The following RELN variants were observed in gnomAD, a reference collection of about 807,000 sequenced individuals.
RELN encodes the protein reelin.
A neutral mutation model predicts 427.6 loss-of-function variants in RELN; 108 were observed. The ratio of observed to expected loss-of-function variants is 0.25; its 90% CI spans 0.22 to 0.30. The LOEUF (loss-of-function observed/expected upper bound fraction) is 0.30, where lower values mean the gene tolerates loss of function less well. RELN is among the 10% of genes least tolerant of loss of function. RELN has a pLI of 1.00. For missense variants in RELN, 3,715 were observed against 4,302.8 expected (o/e 0.86, Z 3.82); for synonymous variants, 1,524 against 1,513.4 (o/e 1.01, Z -0.16).
chr7:103,589,837 A>T lies in RELN; in HGVS notation c.3913-9T>A, dbSNP rs372473867. ...GCACAACCTATGTTTAGCTGTTAAA[A>T]GGAAGGACAAGAATTATACAAGATT... On this transcript the variant is annotated splice_polypyrimidine_tract_variant and intron_variant, in intron 27 of 64. Coordinates refer to ENST00000428762, the MANE Select transcript of RELN (RefSeq NM_005045.4). 2.6e-6 allele frequency: 4 copies of T among 1,545,304 alleles called. No homozygotes were observed. The highest frequency in any genetic ancestry group is 3.6e-6 in the Non-Finnish European group (4 of 1,117,400).
At chr7:103,964,738 A>G (rs1796628264) in intron 1 of RELN, among the ~76,000 whole-genome samples, 1 of 152,246 alleles carries the variant, frequency 6.6e-6, no homozygotes, top group Non-Finnish European at 1.5e-5. Flanking sequence ...ATCACTTTAC[A>G]GTCCCCAAGA....
intron 6 of RELN, among the ~76,000 whole-genome samples, chr7:103,748,154 T>G (rs1790894757): frequency 6.8e-6 from 1 of 147,336 alleles, no homozygotes; most frequent in Non-Finnish European, 1.5e-5. Context: ...TTTTTTTTTT[T>G]GGCTTCTTAT....
chr7:103,808,149 G>A (rs528838872), intron 3 of RELN, among the ~76,000 whole-genome samples: 1 of 151,766 alleles, frequency 6.6e-6, no homozygotes, highest in East Asian at 1.9e-4. Flanking sequence ...AAATATGAGA[G>A]TCTCCAGGTA....
At chr7:103,777,542 T>C (rs183171265) in intron 3 of RELN, among the ~76,000 whole-genome samples, 87 of 152,320 alleles carry the variant, frequency 5.7e-4, no homozygotes, top group Non-Finnish European at 9.1e-4. Context: ...ATGGATTATG[T>C]ACAAGGCACT....
intron 1 of RELN, among the ~76,000 whole-genome samples, chr7:103,941,941 T>C (rs1444925257): frequency 6.6e-6 from 1 of 151,236 alleles, no homozygotes; most frequent in Non-Finnish European, 1.5e-5. Flanking sequence ...AAATACTATA[T>C]TATCATTATA....
At chr7:103,482,736 A>G in intron 63 of RELN, 137 bp downstream of exon 63, 1 of 1,537,308 alleles carries the variant, frequency 6.5e-7, no homozygotes, top group Non-Finnish European at 8.7e-7. Context: ...TTGCAGTTGC[A>G]AAAGAGTGTA....
intron 3 of RELN, among the ~76,000 whole-genome samples, chr7:103,803,478 G>C (rs1381890087): frequency 6.6e-6 from 1 of 152,004 alleles, no homozygotes; most frequent in Non-Finnish European, 1.5e-5. Context: ...AAAGACACCT[G>C]GCTGGAGTGA....
At chr7:103,797,097 T>A (rs947204977) in intron 3 of RELN, among the ~76,000 whole-genome samples, 1 of 152,048 alleles carries the variant, frequency 6.6e-6, no homozygotes, top group African/African-American at 2.4e-5. Context: ...TTTATTTCAT[T>A]TTTTTGAGAC....
At position 103,607,929 on chromosome 7, in the gene RELN, A is replaced by C. The variant is rs192810851; in HGVS notation, c.3008+2766T>G. On this transcript the variant is annotated intron_variant, in intron 22 of 64. Coordinates refer to ENST00000428762, the MANE Select transcript of RELN (RefSeq NM_005045.4). ...ACAAAATTAATTTTCATTGGGTAAC[A>C]AATGTTCATACACAATGTAATTTCT... 1.7e-3 allele frequency among the ~76,000 whole-genome samples: 256 copies of C among 152,332 alleles called. 1 individual carries two copies. The highest frequency in any genetic ancestry group is 5.6e-3 in the African/African-American group (234 of 41,586).
chr7:103,782,250 A>T (rs1439673852), intron 3 of RELN, among the ~76,000 whole-genome samples: 1 of 152,168 alleles, frequency 6.6e-6, no homozygotes, highest in Non-Finnish European at 1.5e-5. Flanking sequence ...TTTCAACCTA[A>T]CTAAACAACA....
At chr7:103,567,528 A>G (rs362804) in intron 31 of RELN, among the ~76,000 whole-genome samples, 327 of 152,278 alleles carry the variant, frequency 2.1e-3, no homozygotes, top group Non-Finnish European at 2.6e-3. Flanking sequence ...TGTGGGAATC[A>G]ATTATATACA....
At chr7:103,628,103 A>G (rs1197266090) in intron 20 of RELN, 1 of 152,236 alleles carries the variant, frequency 6.6e-6, no homozygotes, top group Non-Finnish European at 1.5e-5. Flanking sequence ...TTTACGGTAC[A>G]TGATCAGTTT....
At chr7:103,921,073 T>G (rs1243876308) in intron 1 of RELN, among the ~76,000 whole-genome samples, 1 of 152,170 alleles carries the variant, frequency 6.6e-6, no homozygotes, top group Non-Finnish European at 1.5e-5. Flanking sequence ...ACTAAGCAAC[T>G]TCTATGAGCT....
intron 3 of RELN, among the ~76,000 whole-genome samples, chr7:103,791,060 CAGA>C (rs775677829): frequency 2.2e-4 from 33 of 151,872 alleles, no homozygotes; most frequent in Admixed American, 4.6e-4. Flanking sequence ...CATAAACTTG[CAGA>C]AGAAGTGTAA....
In RELN at chr7:103,800,364, C is replaced by A. The variant is rs552318035; in HGVS notation, c.474-23737G>T. On this transcript the variant is annotated intron_variant, in intron 3 of 64. Coordinates refer to ENST00000428762, the MANE Select transcript of RELN (RefSeq NM_005045.4). ...ATAACAGACAAACAGAGAGCCAAAT[C>A]ATGAGTGAACTCCCATTCACAATTG... Among the ~76,000 whole-genome samples, 4 of 152,306 alleles carry A rather than the reference C, an allele frequency of 2.6e-5. No homozygotes were observed. The South Asian group carries it at 8.3e-4, about 32-fold the overall frequency.
intron 3 of RELN, among the ~76,000 whole-genome samples, chr7:103,823,744 C>T (rs1381321363): frequency 6.6e-6 from 1 of 152,058 alleles, no homozygotes; most frequent in African/African-American, 2.4e-5. Flanking sequence ...TTTCTTTGCT[C>T]ACTATTAATT....
chr7:103,690,252 T>C (rs1217804087), intron 10 of RELN, among the ~76,000 whole-genome samples: 1 of 152,136 alleles, frequency 6.6e-6, no homozygotes, highest in Non-Finnish European at 1.5e-5. Flanking sequence ...ACGTTGAATC[T>C]TGTTACTGTA....
chr7:103,747,039 T>C (rs952507707), intron 6 of RELN, among the ~76,000 whole-genome samples: 5 of 152,030 alleles, frequency 3.3e-5, no homozygotes, highest in African/African-American at 1.2e-4. Flanking sequence ...GATAGATGGA[T>C]TAAGAAAATG....
intron 20 of RELN, among the ~76,000 whole-genome samples, chr7:103,618,894 C>T (rs1274325132): frequency 6.6e-6 from 1 of 152,064 alleles, no homozygotes; most frequent in Non-Finnish European, 1.5e-5. Context: ...GGGCAGATCA[C>T]GAGGTCAGGA....
Sources: gnomAD v4.1 joint callset for allele counts (sites outside exome capture counted in the v4.1 genomes callset) on GRCh38, gnomAD v4.1.1 for gene constraint, MANE v1.5 for transcripts, NCBI Gene and HGNC (gene_info 2026-07-23, HGNC 2026-07-21) for gene names.